SLC9A8: variants seen among roughly 807,000 people sequenced by gnomAD.
SLC9A8 encodes sodium/hydrogen exchanger 8.
SLC9A8 carries 48 observed loss-of-function variants against 66.6 expected under a neutral mutation model. The ratio of observed to expected loss-of-function variants is 0.72; its 90% confidence interval spans 0.57 to 0.92. The LOEUF (loss-of-function observed/expected upper bound fraction) is 0.92, where lower values mean the gene tolerates loss of function less well. SLC9A8 is among the 40% of genes least tolerant of loss of function. SLC9A8 has a pLI of 0.00. For missense variants in SLC9A8, 599 were observed against 747.3 expected, an observed-to-expected ratio of 0.80 and a Z score of 2.31; for synonymous variants, 274 against 282.6, an observed-to-expected ratio of 0.97 and a Z score of 0.31.
intron 14 of SLC9A8, chr20:49,884,284 C>G (rs2089784661): frequency 2.4e-5 from 7 of 295,034 alleles, no homozygotes; most frequent in Non-Finnish European, 3.8e-5. Context: ...GACACACACA[C>G]ACACGACACA....
intron 14 of SLC9A8, 39 bp downstream of exon 14, chr20:49,884,105 G>A (rs1174197651): frequency 6.3e-7 from 1 of 1,576,244 alleles, no homozygotes; most frequent in Non-Finnish European, 8.7e-7. Flanking sequence ...GCAGGGGGCT[G>A]GCCTGCTACG....
In SLC9A8 at chr20:49,886,617, C is replaced by A; in HGVS notation, c.1492-135C>A. 1 of 1,065,438 alleles carries A rather than the reference C, an allele frequency of 9.4e-7. No homozygotes were observed. The highest frequency in any genetic ancestry group is 1.3e-6 in the Non-Finnish European group (1 of 742,458). The allele number at this position is 1,065,438 out of a possible 1,614,324, so 66.0% of individuals were successfully genotyped here. A position where few individuals can be genotyped will look rare whatever the true frequency, so the allele number is the denominator to read the frequency against. On this transcript the variant is annotated intron_variant, in intron 14 of 15. Transcript: ENST00000361573. This position sits in a 1 kb window ranked among gnomAD's most constrained non-coding sequence, Gnocchi z 4.8. ...AGGCTCCCAGGAGGCCGTCTGCTGC[C>A]CGTCACCCTGCATTGATGGTCAAGT...
At chr20:49,849,458 T>G (rs2088154833) in intron 5 of SLC9A8, 121 bp from the exon 6 acceptor site, 2 of 711,474 alleles carry the variant, frequency 2.8e-6, no homozygotes. Flanking sequence ...CCACACAGGT[T>G]GGGCAGTGGT....
intron 10 of SLC9A8, among the ~76,000 whole-genome samples, chr20:49,866,449 C>T (rs1162235456): frequency 2.0e-5 from 3 of 152,108 alleles, no homozygotes; most frequent in African/African-American, 4.8e-5. Flanking sequence ...TAGTGTTTTT[C>T]GAAGTGACTG....
At chr20:49,884,559 C>T (rs2089822406) in intron 14 of SLC9A8, among the ~76,000 whole-genome samples, 1 of 152,102 alleles carries the variant, frequency 6.6e-6, no homozygotes, top group Non-Finnish European at 1.5e-5. Flanking sequence ...AGACACCTGT[C>T]AGGGCCCAGG....
chr20:49,882,853 T>C (rs1225878562), intron 13 of SLC9A8, among the ~76,000 whole-genome samples: 1 of 152,172 alleles, frequency 6.6e-6, no homozygotes, highest in African/African-American at 2.4e-5. Context: ...GTCCTCACCA[T>C]GTCTCTGTAT....
intron 5 of SLC9A8, among the ~76,000 whole-genome samples, chr20:49,845,506 G>GT (rs1315946824): frequency 6.6e-6 from 1 of 152,120 alleles, no homozygotes; most frequent in Non-Finnish European, 1.5e-5. Context: ...CAGGACTTTT[G>GT]TTTCTTTCAG....
In SLC9A8 at chr20:49,884,297, C is replaced by CACACG. The variant is rs2089795065; in HGVS notation, c.1491+235_1491+236insGACAC. On this transcript the variant is annotated intron_variant, in intron 14 of 15. Transcript: ENST00000361573. ...ACGACACACACACACACGACACACACACACACACACACACACACACACACA... is the reference window on the plus strand; with the variant it reads ...ACGACACACACACACACGACACACACACACGACACACACACACACACACACACACA... The CACACG allele has an allele frequency of 1.9e-5, 6 of 317,438 alleles. 1 individual carries two copies. The highest frequency in any genetic ancestry group is 8.9e-5 in the African/African-American group (3 of 33,848). 19.7% of individuals were successfully genotyped at this position (317,438 alleles called of 1,614,324 possible).
chr20:49,827,476 C>A (rs953866833), intron 3 of SLC9A8, among the ~76,000 whole-genome samples: 1 of 151,398 alleles, frequency 6.6e-6, no homozygotes, highest in East Asian at 2.0e-4. Context: ...TGGTGGTGCA[C>A]GCCTATAGTC....
chr20:49,845,133 A>C lies in SLC9A8; in HGVS notation c.432+14A>C, dbSNP rs750143606. 6 of 1,581,734 alleles carry C rather than the reference A, an allele frequency of 3.8e-6. No homozygotes were observed. The South Asian group carries it at 6.6e-5, about 17-fold the overall frequency. On this transcript the variant is annotated intron_variant, in intron 5 of 15. Transcript: ENST00000361573. The stretch of plus-strand genomic sequence containing the variant: ...TCATTACACAAGGTGAGACTCAGGC[A>C]CACATTGGTGCTTTGGTCTGGACAG...
At chr20:49,815,271 C>A in intron 2 of SLC9A8, 82 bp downstream of exon 2, 3 of 1,212,974 alleles carry the variant, frequency 2.5e-6, no homozygotes, top group South Asian at 1.8e-5. Flanking sequence ...TGTCACTCCT[C>A]TTGACTGTCA....
Position 49,855,435 on chromosome 20 carries a change from C to G in SLC9A8, c.570-3C>G, listed in dbSNP as rs1388403671. On this transcript the variant is annotated splice_polypyrimidine_tract_variant and splice_region_variant and intron_variant, in intron 7 of 15. Coordinates refer to ENST00000361573, the MANE Select transcript of SLC9A8 (RefSeq NM_015266.3). ...AATCTCCCCTTCCCTCTGTCTCTTACAGTTTTGCGTTTGGCTCCCTAATAT... is the reference window on the plus strand; with the variant it reads ...AATCTCCCCTTCCCTCTGTCTCTTAGAGTTTTGCGTTTGGCTCCCTAATAT... 1.2e-6 allele frequency: 2 copies of G among 1,613,916 alleles called. No individual in the cohort carries two copies. The highest frequency in any genetic ancestry group is 2.2e-5 in the South Asian group (2 of 91,068).
At position 49,816,440 on chromosome 20, in the gene SLC9A8, A is replaced by C. The variant is rs181918480; in HGVS notation, c.208+1251A>C. ...GTCTTAAAAAAAAAAAACAAAAAAA[A>C]CCAAAAAACTAATTTTGTTCAACCT... On this transcript the variant is annotated intron_variant, in intron 2 of 15. Transcript: ENST00000361573. 3.0e-4 allele frequency among the ~76,000 whole-genome samples: 46 copies of C among 152,006 alleles called. 1 individual carries two copies. Among genetic ancestry groups the C allele is most frequent in the African/African-American group, 1.0e-3 (42 of 41,480 alleles).
chr20:49,884,336 A>ACACACACACACACC (rs1568884621), intron 14 of SLC9A8, among the ~76,000 whole-genome samples: 6 of 108,518 alleles, frequency 5.5e-5, no homozygotes, highest in Non-Finnish European at 9.6e-5. Flanking sequence ...ACACACACAC[A>ACACACACACACACC]CCCCCCGGTC....
chr20:49,838,241 T>C (rs1568820475), intron 3 of SLC9A8, among the ~76,000 whole-genome samples: 1 of 152,212 alleles, frequency 6.6e-6, no homozygotes, highest in South Asian at 2.1e-4. Context: ...TTTTGTCTTA[T>C]TTATGACATT....
chr20:49,872,380 C>T (rs866080468), intron 10 of SLC9A8, among the ~76,000 whole-genome samples: 1 of 151,970 alleles, frequency 6.6e-6, no homozygotes, highest in South Asian at 2.1e-4. Flanking sequence ...AAGTAGGTTT[C>T]CTATATTTTG....
At chr20:49,831,686 G>A (rs769656318) in intron 3 of SLC9A8, among the ~76,000 whole-genome samples, 12 of 152,188 alleles carry the variant, frequency 7.9e-5, no homozygotes, top group African/African-American at 2.7e-4. Flanking sequence ...AGAGGGTCCC[G>A]TGGGGCCCCC....
intron 10 of SLC9A8, among the ~76,000 whole-genome samples, chr20:49,869,999 CA>C (rs1343482956): frequency 1.3e-5 from 2 of 152,142 alleles, no homozygotes; most frequent in East Asian, 3.8e-4. Flanking sequence ...TGGAAAAGAT[CA>C]AATTCCAGTC....
rs57704874 is a variant in SLC9A8 at position 49,884,259 on chromosome 20, G to GAC, written c.1491+206_1491+207dup. Reference sequence around the variant, plus strand: ...ACACACACGACACACACACACACACGACACACACACACACGACACACACAC... The same window carrying GAC: ...ACACACACGACACACACACACACACGACACACACACACACACGACACACACAC... On this transcript the variant is annotated intron_variant, in intron 14 of 15. Coordinates refer to ENST00000361573, the MANE Select transcript of SLC9A8 (RefSeq NM_015266.3). 2.1e-4 allele frequency: 28 copies of GAC among 130,246 alleles called. No individual in the cohort carries two copies. In the African/African-American group the frequency reaches 2.5e-3, roughly 12 times the overall value. 8.1% of individuals were successfully genotyped at this position (130,246 alleles called of 1,614,324 possible). A position where few individuals can be genotyped will look rare whatever the true frequency, so the allele number is the denominator to read the frequency against.
Sources: gnomAD v4.1 joint callset for allele counts (sites outside exome capture counted in the v4.1 genomes callset) on GRCh38, gnomAD v4.1.1 for gene constraint, Gnocchi (gnomAD v3.1) non-coding constraint, MANE v1.5 for transcripts, NCBI Gene and HGNC (gene_info 2026-07-23, HGNC 2026-07-21) for gene names.